Variants in SLC12A1 observed in about 807,000 individuals in gnomAD.
SLC12A1 encodes Na-K-2Cl cotransporter.
A neutral mutation model predicts 130.4 loss-of-function variants in SLC12A1; 89 were observed. The ratio of observed to expected loss-of-function variants is 0.68; its 90% CI spans 0.58 to 0.81. The LOEUF (loss-of-function observed/expected upper bound fraction) is 0.81. Ranked by LOEUF, SLC12A1 falls within the 40% of genes least tolerant of loss-of-function variation. The pLI, the probability that SLC12A1 is intolerant of heterozygous loss-of-function variation, is 0.00. For missense variants in SLC12A1, 1,310 were observed against 1,336.4 expected (o/e 0.98, Z 0.31); for synonymous variants, 499 against 460.0 (o/e 1.08, Z -1.09).
chr15:48,219,488 G>A (rs2041172147), intron 2 of SLC12A1, among the ~76,000 whole-genome samples: 1 of 152,006 alleles, frequency 6.6e-6, no homozygotes, highest in Admixed American at 6.5e-5. Context: ...TCCAGGAGGT[G>A]GAGGTTGCAG....
chr15:48,269,840 A>G, intron 19 of SLC12A1, 76 bp downstream of exon 19: 1 of 726,244 alleles, frequency 1.4e-6, no homozygotes, highest in Non-Finnish European at 2.4e-6. Flanking sequence ...TACTGCACAT[A>G]ACACTGTTGT....
chr15:48,222,188 T>A (rs1597402223), intron 4 of SLC12A1: 1 of 152,346 alleles, frequency 6.6e-6, no homozygotes, highest in South Asian at 2.1e-4. Context: ...CAGGGTTTCA[T>A]GCAAAATTAG....
intron 12 of SLC12A1, among the ~76,000 whole-genome samples, 157 bp from the exon 13 acceptor site, chr15:48,247,180 G>A (rs764042938): frequency 2.0e-5 from 3 of 152,194 alleles, no homozygotes; most frequent in East Asian, 3.9e-4. Context: ...AGTCAAGATC[G>A]ATTCAAATAA....
rs139832082 is a variant in SLC12A1 at position 48,291,847 on chromosome 15, T to C, written c.2943T>C (p.Ile981=). ...TCCATATCATCGGTGACATCAACAT[T>C]AGGCCAAACAAAGAGAGGTATGAAA... is the stretch of plus-strand genomic sequence containing the variant. ...ADIHIIGDIN[I]RPNKESWKVF... is the part of the protein sequence containing the mutation. Residue 981 remains isoleucine (I), a synonymous_variant, in exon 24 of 27, where the codon ATT becomes ATC. Coordinates refer to ENST00000380993, the MANE Select transcript of SLC12A1 (RefSeq NM_000338.3). 1.4e-3 allele frequency: 2,199 copies of C among 1,566,290 alleles called. 5 individuals are homozygous for C. The highest frequency in any genetic ancestry group is 1.8e-3 in the South Asian group (157 of 84,942).
At chr15:48,208,223 A>G in intron 2 of SLC12A1, 84 bp downstream of exon 2, 1 of 1,320,084 alleles carries the variant, frequency 7.6e-7, no homozygotes, top group Non-Finnish European at 1.0e-6. Context: ...CTATGAATGA[A>G]TGTGAAACAG....
chr15:48,292,870 T>C (rs1335788245), intron 24 of SLC12A1, among the ~76,000 whole-genome samples: 1 of 151,926 alleles, frequency 6.6e-6, no homozygotes, highest in Admixed American at 6.6e-5. Context: ...TGAATTTGGG[T>C]GGGGGGACAC....
At chr15:48,270,264 C>T (rs984065414) in intron 19 of SLC12A1, among the ~76,000 whole-genome samples, 6 of 152,046 alleles carry the variant, frequency 3.9e-5, no homozygotes, top group Non-Finnish European at 5.9e-5. Flanking sequence ...TGTGAGTTTC[C>T]GGTGGTACAT....
At chr15:48,288,892 C>A (rs992369283) in intron 23 of SLC12A1, among the ~76,000 whole-genome samples, 1 of 152,040 alleles carries the variant, frequency 6.6e-6, no homozygotes, top group Admixed American at 6.6e-5. Flanking sequence ...TGTGGGAATT[C>A]AAAACTCCTA....
At chr15:48,284,278 T>C (rs76213325) in intron 20 of SLC12A1, among the ~76,000 whole-genome samples, 1,909 of 152,354 alleles carry the variant, frequency 0.013, 43 homozygotes, top group African/African-American at 0.044. Context: ...ATCCAGAGCC[T>C]ATAGAGTTTA....
Position 48,246,953 on chromosome 15 carries a change from A to T in SLC12A1, c.1497A>T (p.Gly499=). The T allele has an allele frequency of 6.2e-7, 1 of 1,613,946 alleles. No homozygotes were observed. Among genetic ancestry groups the T allele is most frequent in the South Asian group, 1.1e-5 (1 of 91,074 alleles). The change falls in exon 12 of 27, where the codon GGA becomes GGT. Residue 499 remains glycine (G), a synonymous_variant. Transcript: ENST00000380993. The part of the protein sequence containing the change: ...VSGFGPLITA[G]IFSATLSSAL... Reference sequence around the variant, plus strand: ...GGTTCGGCCCCCTCATCACTGCGGGAATCTTTTCTGCAACACTCTCCTCCG... The same window carrying T: ...GGTTCGGCCCCCTCATCACTGCGGGTATCTTTTCTGCAACACTCTCCTCCG...
intron 23 of SLC12A1, among the ~76,000 whole-genome samples, chr15:48,288,864 G>A (rs2042087581): frequency 6.6e-6 from 1 of 152,218 alleles, no homozygotes; most frequent in African/African-American, 2.4e-5. Context: ...AAGGAAATCT[G>A]GGTCCAGTTG....
intron 9 of SLC12A1, among the ~76,000 whole-genome samples, chr15:48,239,337 C>A (rs555595963): frequency 1.3e-5 from 2 of 151,816 alleles, no homozygotes; most frequent in African/African-American, 4.8e-5. Flanking sequence ...ATGGCAAAAC[C>A]GTGTCTCTAC....
intron 5 of SLC12A1, chr15:48,227,110 G>A (rs761201157): frequency 1.3e-6 from 2 of 1,552,076 alleles, no homozygotes. Context: ...GCCTAAGTGT[G>A]GTAGTAACGA....
chr15:48,235,779 T>C (rs2041432898), intron 9 of SLC12A1, among the ~76,000 whole-genome samples: 1 of 152,114 alleles, frequency 6.6e-6, no homozygotes, highest in Admixed American at 6.5e-5. Context: ...CTCCAAAAGG[T>C]AGCCCAGAAA....
At chr15:48,239,892 C>T (rs2041482967) in intron 9 of SLC12A1, among the ~76,000 whole-genome samples, 1 of 151,646 alleles carries the variant, frequency 6.6e-6, no homozygotes, top group African/African-American at 2.4e-5. Context: ...CTCAGGTGAT[C>T]TGCCCGCCTT....
At chr15:48,266,445 CTT>C (rs67628277) in intron 17 of SLC12A1, among the ~76,000 whole-genome samples, 3 of 144,474 alleles carry the variant, frequency 2.1e-5, no homozygotes, top group African/African-American at 5.1e-5. Context: ...AAAGCCTGGG[CTT>C]TTTTTTTTTT....
In SLC12A1 at chr15:48,220,676, G is replaced by A. The variant is rs145003411; in HGVS notation, c.463G>A (p.Gly155Ser). The part of the protein sequence containing the change: ...TPSSADRVAN[G>S]DGIPGDEQAE... The stretch of plus-strand genomic sequence containing the variant: ...AAGTTCAGCTGACAGAGTTGCTAAC[G>A]GTGATGGGATACCTGGAGATGAACA... The change falls in exon 3 of 27, where the codon GGT becomes AGT. Residue 155 changes from glycine (G) to serine (S), a missense_variant. Physicochemically the swap from Gly to Ser is moderately conservative, Grantham distance 56. Coordinates refer to ENST00000380993, the MANE Select transcript of SLC12A1 (RefSeq NM_000338.3). 5.8e-5 allele frequency: 93 copies of A among 1,613,638 alleles called. No homozygotes were observed. In the East Asian group the frequency reaches 1.2e-3, roughly 20 times the overall value.
rs6145555 is a variant in SLC12A1 at position 48,294,899 on chromosome 15, T to TTTTA, written c.2960+3059_2960+3062dup. On this transcript the variant is annotated intron_variant, in intron 24 of 26. Transcript: ENST00000380993. ...TGAATTATCCACCCACTTCTTTTTA[T>TTTTA]TTTATTTATTTATTTATTTATTTAT... Among the ~76,000 whole-genome samples, 985 of 147,432 alleles carry TTTTA rather than the reference T, an allele frequency of 6.7e-3. 25 individuals carry two copies. Among genetic ancestry groups the TTTTA allele is most frequent in the East Asian group, 0.034 (173 of 5,052 alleles).
chr15:48,249,528 T>G, intron 13 of SLC12A1, 47 bp from the exon 14 acceptor site: 5 of 1,378,800 alleles, frequency 3.6e-6, no homozygotes, highest in Non-Finnish European at 5.2e-6. Context: ...GTTCAGCCCC[T>G]GGTCTCATCA....
Sources: gnomAD v4.1 joint callset for allele counts (sites outside exome capture counted in the v4.1 genomes callset) on GRCh38, gnomAD v4.1.1 for gene constraint, MANE v1.5 for transcripts, NCBI Gene and HGNC (gene_info 2026-07-23, HGNC 2026-07-21) for gene names.